The following TRHDE variants were observed in gnomAD, a reference collection of about 807,000 sequenced individuals.
The protein encoded by TRHDE is thyrotropin-releasing hormone-degrading ectoenzyme.
Under a neutral mutation model 125.7 loss-of-function variants are expected in TRHDE, and 72 were observed. The observed-to-expected ratio is 0.57, with a 90% CI of 0.47 to 0.70. The LOEUF is 0.70. Ranked by LOEUF, TRHDE falls within the 30% of genes least tolerant of loss-of-function variation. The pLI is 0.00. For missense variants in TRHDE, 1,110 were observed against 1,327.1 expected (o/e 0.84, Z 2.54); for synonymous variants, 509 against 509.1 (o/e 1.00, Z 0.00).
chr12:72,647,652 A>G lies in TRHDE; in HGVS notation c.2676-4670A>G, dbSNP rs151197700. Among the ~76,000 whole-genome samples the G allele has an allele frequency of 1.3e-3, 198 of 152,256 alleles. 1 individual carries two copies. The highest frequency in any genetic ancestry group is 4.4e-3 in the African/African-American group (182 of 41,580). ...AAAAGAAACTACTATGAACAATTATATGCCAACAAATGAAATAACAGAAAA... is the reference window on the plus strand; with the variant it reads ...AAAAGAAACTACTATGAACAATTATGTGCCAACAAATGAAATAACAGAAAA... On this transcript the variant is annotated intron_variant, in intron 15 of 18. Transcript: ENST00000261180.
chr12:72,254,930 A>G (rs571765749), intron 2 of TRHDE: 2 of 152,270 alleles, frequency 1.3e-5, no homozygotes, highest in South Asian at 2.1e-4. Context: ...TCTTTACAGA[A>G]AGGCTCCTGG....
intron 12 of TRHDE, among the ~76,000 whole-genome samples, chr12:72,609,990 A>G (rs932756417): frequency 4.6e-5 from 7 of 152,142 alleles, no homozygotes; most frequent in Admixed American, 6.5e-5. Context: ...TGTATTTTCC[A>G]TGGAAATCAT....
Position 72,428,765 on chromosome 12 carries a change from A to C in TRHDE, c.1316-40993A>C, listed in dbSNP as rs181367159. The stretch of plus-strand genomic sequence containing the variant: ...AAGGAAACCCCATTTTCTTCACCAT[A>C]CCCTGCCTAAAAATCTAACTACGAA... On this transcript the variant is annotated intron_variant, in intron 3 of 18. Coordinates refer to ENST00000261180, the MANE Select transcript of TRHDE (RefSeq NM_013381.3). Among the ~76,000 whole-genome samples the C allele has an allele frequency of 4.2e-3, 646 of 152,134 alleles. 1 individual carries two copies. Among genetic ancestry groups the C allele is most frequent in the African/African-American group, 0.014 (596 of 41,502 alleles).
chr12:72,165,566 T>G (rs759151070), intron 2 of TRHDE, among the ~76,000 whole-genome samples: 1 of 152,124 alleles, frequency 6.6e-6, no homozygotes, highest in African/African-American at 2.4e-5. Flanking sequence ...CTATGATTAT[T>G]TTTCCAATTC....
At chr12:72,401,996 G>C (rs1873062917) in intron 3 of TRHDE, among the ~76,000 whole-genome samples, 1 of 152,064 alleles carries the variant, frequency 6.6e-6, no homozygotes. Context: ...AGATTCTCCA[G>C]CTATTTCCTT....
rs1874982793 is a variant in TRHDE at position 72,663,125 on chromosome 12, CCAA to C, written c.3141_3143del (p.Asn1048del). 6.2e-7 allele frequency: 1 copy of C among 1,613,004 alleles called. No individual in the cohort carries two copies. The highest frequency in any genetic ancestry group is 8.5e-7 in the Non-Finnish European group (1 of 1,179,486). ...TCACGAGCTGTGGAAACTGTCGAAG[CCAA>C]TGTGCGCTGGAAAATGCTTTACCAA... is the stretch of plus-strand genomic sequence containing the variant. On this transcript the variant is annotated inframe_deletion, in exon 19 of 19. Coordinates refer to ENST00000261180, the MANE Select transcript of TRHDE (RefSeq NM_013381.3).
chr12:72,394,581 A>T (rs1315447399), intron 3 of TRHDE, among the ~76,000 whole-genome samples: 1 of 152,184 alleles, frequency 6.6e-6, no homozygotes, highest in Non-Finnish European at 1.5e-5. Flanking sequence ...TCCCCTATGC[A>T]AATCCCCCTA....
intron 5 of TRHDE, among the ~76,000 whole-genome samples, chr12:72,481,970 C>G (rs950154803): frequency 1.3e-5 from 2 of 151,798 alleles, no homozygotes; most frequent in Non-Finnish European, 2.9e-5. Context: ...TTCAGTGAGG[C>G]CCTTCTTAAG....
At chr12:72,376,936 G>A (rs991001801) in intron 2 of TRHDE, among the ~76,000 whole-genome samples, 2 of 151,842 alleles carry the variant, frequency 1.3e-5, no homozygotes, top group Non-Finnish European at 2.9e-5. Context: ...GGGATTGGAA[G>A]TAATATGTTT....
chr12:72,663,743 T>G lies in TRHDE; in HGVS notation c.*548T>G, dbSNP rs1875009972. On this transcript the variant is annotated 3_prime_UTR_variant, in exon 19 of 19. Transcript: ENST00000261180. ...GGCAATGTGAGAGGTAAAATAGCCC[T>G]TGACATGATGAACATCACTTATTTC... The G allele has an allele frequency of 6.6e-6, 1 of 152,514 alleles. No homozygotes were observed. The highest frequency in any genetic ancestry group is 2.1e-4 in the South Asian group (1 of 4,834). The allele number at this position is 152,514 out of a possible 1,614,324, so 9.4% of individuals were successfully genotyped here. A position where few individuals can be genotyped will look rare whatever the true frequency, so the allele number is the denominator to read the frequency against.
At chr12:72,319,344 AT>A (rs1225757367) in intron 2 of TRHDE, among the ~76,000 whole-genome samples, 2 of 152,108 alleles carry the variant, frequency 1.3e-5, no homozygotes, top group African/African-American at 2.4e-5. Context: ...TTTATTTCAT[AT>A]TTAGTATCAA....
chr12:72,174,267 G>A (rs1031958626), intron 2 of TRHDE, among the ~76,000 whole-genome samples: 1 of 152,084 alleles, frequency 6.6e-6, no homozygotes, highest in Non-Finnish European at 1.5e-5. Flanking sequence ...AATTTCAGCT[G>A]AACCCACCCA....
chr12:72,519,473 G>A (rs1465878222), intron 6 of TRHDE, among the ~76,000 whole-genome samples: 2 of 152,118 alleles, frequency 1.3e-5, no homozygotes, highest in Non-Finnish European at 2.9e-5. Flanking sequence ...CGTAGTTCTC[G>A]AGCCTTGGTT....
At chr12:72,215,027 A>G (rs1349447185) in intron 2 of TRHDE, among the ~76,000 whole-genome samples, 1 of 152,176 alleles carries the variant, frequency 6.6e-6, no homozygotes, top group African/African-American at 2.4e-5. Context: ...CCGTGTGAAG[A>G]GACCACGAAA....
intron 2 of TRHDE, among the ~76,000 whole-genome samples, chr12:72,319,221 G>A (rs1232849555): frequency 6.6e-6 from 1 of 152,130 alleles, no homozygotes; most frequent in East Asian, 1.9e-4. Flanking sequence ...AGCCTTCGTT[G>A]CTTTCTGATG....
intron 6 of TRHDE, among the ~76,000 whole-genome samples, chr12:72,512,528 A>G (rs1160304372): frequency 7.3e-6 from 1 of 137,812 alleles, no homozygotes; most frequent in Non-Finnish European, 1.5e-5. Context: ...TATATAATAT[A>G]TATGATTATA....
chr12:72,580,593 C>G (rs1158224475), intron 12 of TRHDE, among the ~76,000 whole-genome samples: 1 of 152,172 alleles, frequency 6.6e-6, no homozygotes, highest in Non-Finnish European at 1.5e-5. Context: ...AGGCACCCAC[C>G]ACCATACCTA....
intron 12 of TRHDE, among the ~76,000 whole-genome samples, chr12:72,595,342 A>G (rs1181945597): frequency 6.0e-5 from 9 of 150,960 alleles, no homozygotes; most frequent in Non-Finnish European, 1.3e-4. Flanking sequence ...TTTTTTTATT[A>G]CGAATTATCT....
At chr12:72,375,687 A>T (rs1169381923) in intron 2 of TRHDE, among the ~76,000 whole-genome samples, 1 of 152,188 alleles carries the variant, frequency 6.6e-6, no homozygotes, top group African/African-American at 2.4e-5. Context: ...TTTACCATTC[A>T]TATGGCAGGT....
Sources: allele counts gnomAD v4.1 joint callset (sites outside exome capture counted in the v4.1 genomes callset), GRCh38; gene constraint gnomAD v4.1.1; transcripts MANE v1.5; gene names NCBI Gene and HGNC (gene_info 2026-07-23, HGNC 2026-07-21).